The following TAF11L12 variants were observed in gnomAD, a reference collection of about 807,000 sequenced individuals.
The protein encoded by TAF11L12 is TATA-box binding protein associated factor 11 like 12.
exon 1 of TAF11L12, chr5:17,610,829 G>A: frequency 2.5e-6 from 1 of 392,420 alleles, no homozygotes; most frequent in Non-Finnish European, 4.5e-6. Context: ...ATGTGGGAAG[G>A]GGAGGCAGGG....
exon 1 of TAF11L12, chr5:17,611,414 C>T (rs1296834773): frequency 2.5e-6 from 1 of 397,866 alleles, no homozygotes; most frequent in Non-Finnish European, 4.4e-6. Context: ...ATTGCCATGG[C>T]TGGAATAGCT....
chr5:17,611,324 G>A (rs556886011), exon 1 of TAF11L12: 3 of 397,982 alleles, frequency 7.5e-6, no homozygotes, highest in African/African-American at 2.1e-5. Context: ...GAAGTGTGTC[G>A]CCGGTCAGCT....
chr5:17,611,807 C>T (rs561501118), downstream of TAF11L12, among the ~76,000 whole-genome samples: 4 of 151,490 alleles, frequency 2.6e-5, no homozygotes, highest in East Asian at 5.8e-4. Flanking sequence ...CATATTGAGG[C>T]ATTTTTCTCT....
exon 1 of TAF11L12, chr5:17,611,340 A>G (rs1739272495): frequency 7.5e-6 from 3 of 397,936 alleles, no homozygotes; most frequent in South Asian, 1.3e-4. Context: ...CAGCTTTCCC[A>G]AAAGCACGCA....
At chr5:17,611,684 A>C, downstream of TAF11L12, 1 of 396,026 alleles carries the variant, frequency 2.5e-6, no homozygotes, top group South Asian at 1.4e-4. Flanking sequence ...ATCTCAGTCC[A>C]CCCTGGATTC....
At position 17,610,709 on chromosome 5, in the gene TAF11L12, A is replaced by T. The variant is rs990813006; in HGVS notation, c.-281A>T. Reference sequence around the variant, plus strand: ...ACCTGTGAGCTGGTGTTTGTTTTAAATATCCAAAATTGGTGAGAATTTATT... The same window carrying T: ...ACCTGTGAGCTGGTGTTTGTTTTAATTATCCAAAATTGGTGAGAATTTATT... On this transcript the variant is annotated 5_prime_UTR_variant, in exon 1 of 1. Coordinates refer to ENST00000503184, the Ensembl canonical transcript of TAF11L12. 5.6e-5 allele frequency: 17 copies of T among 301,380 alleles called. 1 individual carries two copies. Among genetic ancestry groups the T allele is most frequent in the African/African-American group, 2.8e-4 (13 of 46,160 alleles). 18.7% of individuals were successfully genotyped at this position (301,380 alleles called of 1,614,324 possible). A position where few individuals can be genotyped will look rare whatever the true frequency, so the allele number is the denominator to read the frequency against.
exon 1 of TAF11L12, chr5:17,611,562 C>T (rs1279855257): frequency 2.5e-6 from 1 of 398,032 alleles, no homozygotes. Flanking sequence ...CCAACAGCAA[C>T]TATAAAAAAA....
chr5:17,611,525 G>C (rs1351791658), exon 1 of TAF11L12: 3 of 397,794 alleles, frequency 7.5e-6, no homozygotes, highest in African/African-American at 2.1e-5. Context: ...GAGGCCGTTC[G>C]CAGGTTAAAG....
chr5:17,610,777 C>A (rs1473045252), exon 1 of TAF11L12: 1 of 381,814 alleles, frequency 2.6e-6, no homozygotes, highest in Non-Finnish European at 4.6e-6. Flanking sequence ...CCACAAGTTT[C>A]TTCACATTGT....
upstream of TAF11L12, chr5:17,610,452 C>T (rs1739254473): frequency 6.6e-6 from 1 of 152,076 alleles, no homozygotes; most frequent in African/African-American, 2.4e-5. Context: ...CCTCACAGCC[C>T]AGACCTGGGC....
At chr5:17,611,627 T>A, downstream of TAF11L12, 1 of 397,882 alleles carries the variant, frequency 2.5e-6, no homozygotes, top group Non-Finnish European at 4.4e-6. Flanking sequence ...GGAATAAGTA[T>A]CGCATTCATC....
downstream of TAF11L12, among the ~76,000 whole-genome samples, chr5:17,611,801 T>C (rs190952562): frequency 2.0e-5 from 3 of 151,502 alleles, no homozygotes; most frequent in Admixed American, 2.0e-4. Flanking sequence ...CAGGGGCATA[T>C]TGAGGCATTT....
In TAF11L12 at chr5:17,610,949, C is replaced by T. The variant is rs550043389; in HGVS notation, c.-41C>T. On this transcript the variant is annotated 5_prime_UTR_variant, in exon 1 of 1. Transcript: ENST00000503184. Reference sequence around the variant, plus strand: ...CGAACCACCCCAGCCAGAACTTCTGCCTGTACAGCTGCTGTCACGGAGCAG... The same window carrying T: ...CGAACCACCCCAGCCAGAACTTCTGTCTGTACAGCTGCTGTCACGGAGCAG... 4 of 397,710 alleles carry T rather than the reference C, an allele frequency of 1.0e-5. No homozygotes were observed. The Admixed American group carries it at 1.8e-4, about 18-fold the overall frequency. The allele number at this position is 397,710 out of a possible 1,614,324, so 24.6% of individuals were successfully genotyped here. A position where few individuals can be genotyped will look rare whatever the true frequency, so the allele number is the denominator to read the frequency against.
downstream of TAF11L12, among the ~76,000 whole-genome samples, chr5:17,611,921 C>A (rs1739284677): frequency 1.3e-5 from 2 of 151,352 alleles, no homozygotes; most frequent in African/African-American, 4.9e-5. Context: ...TGTACGGTTT[C>A]ATTCTGAAGC....
At chr5:17,611,030 T>G in exon 1 of TAF11L12, 1 of 397,936 alleles carries the variant, frequency 2.5e-6, no homozygotes, top group Non-Finnish European at 4.4e-6. Flanking sequence ...GCTGAGATGT[T>G]CGCCATGCCC....
At chr5:17,612,030 A>C (rs1266182435), downstream of TAF11L12, among the ~76,000 whole-genome samples, 1 of 151,448 alleles carries the variant, frequency 6.6e-6, no homozygotes, top group South Asian at 2.1e-4. Flanking sequence ...CTGATTTTCA[A>C]TGCTCATATG....
At chr5:17,611,121 T>A (rs1739267840) in exon 1 of TAF11L12, 1 of 397,732 alleles carries the variant, frequency 2.5e-6, no homozygotes, top group South Asian at 1.3e-4. Context: ...ATCAGGAAAG[T>A]GAGCTCAGAA....
At chr5:17,611,015 C>T (rs535482374) in exon 1 of TAF11L12, 14 of 397,654 alleles carry the variant, frequency 3.5e-5, no homozygotes, top group Non-Finnish European at 4.4e-5. Flanking sequence ...CAAAGAGGTG[C>T]GTCTGCTGAG....
In TAF11L12 at chr5:17,610,794, G is replaced by C. The variant is rs184712014; in HGVS notation, c.-196G>C. 1,311 of 387,290 alleles carry C rather than the reference G, an allele frequency of 3.4e-3. 44 individuals are homozygous for C. The highest frequency in any genetic ancestry group is 4.5e-3 in the Middle Eastern group (7 of 1,552). The allele number at this position is 387,290 out of a possible 1,614,324, so 24.0% of individuals were successfully genotyped here. A position where few individuals can be genotyped will look rare whatever the true frequency, so the allele number is the denominator to read the frequency against. ...ACAAGTTTCTTCACATTGTGGAAGT[G>C]AGAACATTCAGTGTGTGTGTTTGCA... On this transcript the variant is annotated 5_prime_UTR_variant, in exon 1 of 1. Transcript: ENST00000503184.
Sources: allele counts gnomAD v4.1 joint callset (sites outside exome capture counted in the v4.1 genomes callset), GRCh38; gene constraint gnomAD v4.1.1; transcripts MANE v1.5; gene names NCBI Gene and HGNC (gene_info 2026-07-23, HGNC 2026-07-21).